Variants in DMD observed in about 807,000 individuals in gnomAD.
The protein encoded by DMD is dystrophin.
DMD carries 63 observed loss-of-function variants against 330.1 expected under a neutral mutation model. That is an observed-to-expected ratio of 0.19 (90% CI 0.16 to 0.24). The LOEUF is 0.24. Ranked by LOEUF, DMD falls within the 10% of genes least tolerant of loss-of-function variation. The probability of loss-of-function intolerance (pLI) is 1.00; values close to 1 mark genes in which losing one functional copy is unlikely to be tolerated. For missense variants in DMD, 3,344 were observed against 2,684.1 expected, an observed-to-expected ratio of 1.25 and a Z score of -5.43; for synonymous variants, 1,223 against 959.8, an observed-to-expected ratio of 1.27 and a Z score of -5.07.
At chrX:31,692,902 G>C (rs2083216207) in intron 52 of DMD, among the ~76,000 whole-genome samples, 2 of 111,513 alleles carry the variant, frequency 1.8e-5, no homozygotes, top group South Asian at 7.4e-4. Flanking sequence ...TAAAGAGGAA[G>C]GGATTCGTCC....
rs760968051 is a variant in DMD at position 32,441,068 on chromosome X, T to C, written c.3921+112A>G. ...AAAGTACCAGTGCTGAGTGATAACA[T>C]AGTAATTATACTCTCTTGGGTTGTT... On this transcript the variant is annotated intron_variant, in intron 28 of 78. Coordinates refer to ENST00000357033, the MANE Select transcript of DMD (RefSeq NM_004006.3). The C allele has an allele frequency of 1.2e-4, 98 of 825,891 alleles. No homozygotes were observed. In the African/African-American group the frequency reaches 1.8e-3, roughly 15 times the overall value. 68.1% of individuals were successfully genotyped at this position (825,891 alleles called of 1,213,427 possible).
chrX:31,171,634 T>C (rs749633027), intron 73 of DMD, among the ~76,000 whole-genome samples: 7 of 111,710 alleles, frequency 6.3e-5, no homozygotes, highest in Admixed American at 4.8e-4. Context: ...ACTTGGTTCA[T>C]GGCAATGTTC....
chrX:31,783,167 T>C (rs1057249180), intron 50 of DMD, among the ~76,000 whole-genome samples: 28 of 111,550 alleles, frequency 2.5e-4, no homozygotes, highest in Non-Finnish European at 1.1e-4. Flanking sequence ...TTACAGAAAA[T>C]ACACTGCTAT....
At chrX:31,815,581 T>A (rs1569447944) in intron 50 of DMD, among the ~76,000 whole-genome samples, 1 of 112,033 alleles carries the variant, frequency 8.9e-6, no homozygotes, top group East Asian at 2.8e-4. Context: ...TTTTTGAGAA[T>A]TAAGTTGGAT....
chrX:33,077,475 G>A (rs1356639567), intron 1 of DMD, among the ~76,000 whole-genome samples: 1 of 111,330 alleles, frequency 9.0e-6, no homozygotes, highest in Non-Finnish European at 1.9e-5. Flanking sequence ...CTATAAAGAT[G>A]GGAAAAGGCC....
chrX:32,495,558 G>A (rs2043409993), intron 19 of DMD, among the ~76,000 whole-genome samples: 1 of 111,712 alleles, frequency 9.0e-6, no homozygotes, highest in East Asian at 2.8e-4. Flanking sequence ...CAATTAAAAT[G>A]AGAAATGCTA....
intron 44 of DMD, among the ~76,000 whole-genome samples, chrX:31,968,930 G>A (rs1034551526): frequency 5.4e-5 from 6 of 110,627 alleles, no homozygotes; most frequent in South Asian, 3.8e-4. Flanking sequence ...TCGTGGATAC[G>A]AGAGGTGAAA....
At chrX:32,700,270 A>C (rs866785911) in intron 7 of DMD, among the ~76,000 whole-genome samples, 1 of 111,458 alleles carries the variant, frequency 9.0e-6, no homozygotes, top group Non-Finnish European at 1.9e-5. Flanking sequence ...TCATTGAGAC[A>C]GCATGTGTAA....
chrX:31,889,737 C>T (rs2094214363), intron 47 of DMD, among the ~76,000 whole-genome samples: 1 of 104,676 alleles, frequency 9.6e-6, no homozygotes, highest in Non-Finnish European at 2.0e-5. Context: ...TCCCTCTCTC[C>T]CTCCCTCCCA....
At chrX:32,346,449 T>C in intron 38 of DMD, among the ~76,000 whole-genome samples, 1 of 111,564 alleles carries the variant, frequency 9.0e-6, no homozygotes, top group South Asian at 3.7e-4. Flanking sequence ...TCATTTATAA[T>C]GTTAACTGAT....
At chrX:33,255,175 A>G (rs1414961909) in intron 1 of DMD, among the ~76,000 whole-genome samples, 1 of 110,964 alleles carries the variant, frequency 9.0e-6, no homozygotes, top group Admixed American at 9.6e-5. Context: ...CATTGAGCAA[A>G]TGTCATTAGT....
intron 16 of DMD, among the ~76,000 whole-genome samples, chrX:32,564,484 C>T (rs957163063): frequency 9.0e-6 from 1 of 111,160 alleles, no homozygotes; most frequent in Non-Finnish European, 1.9e-5. Context: ...TGCAAAGAAG[C>T]CATGGGCAGA....
Position 32,074,267 on chromosome X carries a change from C to T in DMD, c.6439-105753G>A, listed in dbSNP as rs751508775. Reference sequence around the variant, plus strand: ...GATCCTACATCCTTTTAAATTTCCCCGAACCCTAGTGCATGGGAACAATAT... The same window carrying T: ...GATCCTACATCCTTTTAAATTTCCCTGAACCCTAGTGCATGGGAACAATAT... On this transcript the variant is annotated intron_variant, in intron 44 of 78. Transcript: ENST00000357033. Among the ~76,000 whole-genome samples, 4 of 111,326 alleles carry T rather than the reference C, an allele frequency of 3.6e-5. No individual in the cohort carries two copies. In the East Asian group the frequency reaches 8.5e-4, roughly 24 times the overall value.
chrX:32,251,637 G>A (rs1291562455), intron 43 of DMD, among the ~76,000 whole-genome samples: 1 of 111,402 alleles, frequency 9.0e-6, no homozygotes, highest in Non-Finnish European at 1.9e-5. Flanking sequence ...TTTCAGGGAG[G>A]TTCCCTAAAG....
intron 12 of DMD, among the ~76,000 whole-genome samples, chrX:32,611,740 T>G (rs1240018478): frequency 8.9e-6 from 1 of 111,743 alleles, no homozygotes; most frequent in African/African-American, 3.2e-5. Flanking sequence ...GGATTTCGCT[T>G]TACACTCCAG....
At chrX:33,024,022 T>C (rs1334481553) in intron 1 of DMD, among the ~76,000 whole-genome samples, 1 of 111,902 alleles carries the variant, frequency 8.9e-6, no homozygotes, top group Non-Finnish European at 1.9e-5. Context: ...TTGCTATTTG[T>C]CATATTGCTT....
chrX:31,759,428 A>G (rs1464392478), intron 51 of DMD, among the ~76,000 whole-genome samples: 2 of 111,837 alleles, frequency 1.8e-5, no homozygotes, highest in Non-Finnish European at 3.8e-5. Flanking sequence ...AAGAAAATGA[A>G]TATGTATGTT....
At chrX:32,395,093 A>T (rs368440107) in intron 30 of DMD, among the ~76,000 whole-genome samples, 34 of 111,023 alleles carry the variant, frequency 3.1e-4, no homozygotes, top group African/African-American at 1.0e-3. Flanking sequence ...GCCCAAGGTA[A>T]CATAACTAGG....
intron 23 of DMD, among the ~76,000 whole-genome samples, chrX:32,464,979 C>A (rs2098396466): frequency 8.9e-6 from 1 of 111,912 alleles, no homozygotes; most frequent in Non-Finnish European, 1.9e-5. Flanking sequence ...ATATCCCCCT[C>A]TAGAGAAATT....
Sources: gnomAD v4.1 joint callset for allele counts (sites outside exome capture counted in the v4.1 genomes callset) on GRCh38, gnomAD v4.1.1 for gene constraint, MANE v1.5 for transcripts, NCBI Gene and HGNC (gene_info 2026-07-23, HGNC 2026-07-21) for gene names.